AMPH: variants seen among roughly 807,000 people sequenced by gnomAD.
AMPH encodes amphiphysin (Stiff-Mann syndrome with breast cancer 128kD autoantigen).
In AMPH, 49 loss-of-function variants were observed where a neutral mutation model predicts 99.1. That is an observed-to-expected ratio of 0.49 (90% CI 0.39 to 0.63). AMPH has a LOEUF of 0.63. Among genes scored for constraint, AMPH ranks in the 20% least tolerant of loss-of-function variants. AMPH has a pLI of 0.00. For synonymous variants in AMPH, 314 were observed against 317.3 expected, an observed-to-expected ratio of 0.99 and a Z score of 0.11; for missense variants, 759 against 863.4, an observed-to-expected ratio of 0.88 and a Z score of 1.52.
intron 17 of AMPH, among the ~76,000 whole-genome samples, chr7:38,414,839 A>G (rs1785321111): frequency 6.6e-6 from 1 of 151,808 alleles, no homozygotes; most frequent in South Asian, 2.1e-4. Flanking sequence ...TAATTTTTGT[A>G]TTTTTGTAGA....
intron 1 of AMPH, among the ~76,000 whole-genome samples, chr7:38,558,764 C>G (rs545331133): frequency 4.6e-5 from 7 of 152,188 alleles, no homozygotes; most frequent in East Asian, 1.9e-4. Flanking sequence ...GAGACACATC[C>G]TGCTGACACA....
chr7:38,503,503 TG>T lies in AMPH; in HGVS notation c.205+146del, dbSNP rs67603609. The T allele has an allele frequency of 5.4e-4, 263 of 485,306 alleles. 5 individuals carry two copies. In the East Asian group the frequency reaches 8.7e-3, roughly 16 times the overall value. 30.1% of individuals were successfully genotyped at this position (485,306 alleles called of 1,614,324 possible). On this transcript the variant is annotated intron_variant, in intron 3 of 20. Transcript: ENST00000356264. Reference sequence around the variant, plus strand: ...TCAATGGGAATTTGGGGCGGGGGGGTGGGTGGTGGAATGGAACACCTGTGTT... The same window carrying T: ...TCAATGGGAATTTGGGGCGGGGGGGTGGTGGTGGAATGGAACACCTGTGTT...
chr7:38,391,283 T>C (rs1239871566), intron 19 of AMPH, among the ~76,000 whole-genome samples: 1 of 152,178 alleles, frequency 6.6e-6, no homozygotes, highest in Non-Finnish European at 1.5e-5. Context: ...GCAAGTTCAT[T>C]CATACATGAA....
intron 1 of AMPH, among the ~76,000 whole-genome samples, chr7:38,542,028 A>G (rs1790826600): frequency 6.6e-6 from 1 of 152,150 alleles, no homozygotes; most frequent in African/African-American, 2.4e-5. Flanking sequence ...ATTTCAGGAC[A>G]TTTAGTCCTC....
chr7:38,551,742 CAG>C (rs1462167550), intron 1 of AMPH, among the ~76,000 whole-genome samples: 1 of 152,094 alleles, frequency 6.6e-6, no homozygotes, highest in Non-Finnish European at 1.5e-5. Context: ...AAAAGAGAAA[CAG>C]AAAGAATGAG....
intron 11 of AMPH, among the ~76,000 whole-genome samples, chr7:38,449,323 G>T (rs554657991): frequency 1.3e-5 from 2 of 152,310 alleles, no homozygotes; most frequent in South Asian, 4.1e-4. Context: ...ACAGCATTCT[G>T]CTTTCCACTT....
intron 11 of AMPH, among the ~76,000 whole-genome samples, chr7:38,446,023 C>T (rs534371461): frequency 6.6e-6 from 1 of 152,188 alleles, no homozygotes; most frequent in Non-Finnish European, 1.5e-5. Context: ...CTCGCTGAGG[C>T]CTCCCCAGAA....
intron 2 of AMPH, among the ~76,000 whole-genome samples, chr7:38,511,841 C>T (rs1013726506): frequency 6.6e-6 from 1 of 152,162 alleles, no homozygotes; most frequent in Non-Finnish European, 1.5e-5. Context: ...TATAACTAAT[C>T]AGGTTTGGGA....
At chr7:38,568,934 T>A (rs1791843228) in intron 1 of AMPH, among the ~76,000 whole-genome samples, 1 of 152,132 alleles carries the variant, frequency 6.6e-6, no homozygotes, top group African/African-American at 2.4e-5. Flanking sequence ...TAATGGGTGA[T>A]ACAGATGCTA....
At chr7:38,520,847 A>G (rs1034904714) in intron 2 of AMPH, among the ~76,000 whole-genome samples, 1 of 152,174 alleles carries the variant, frequency 6.6e-6, no homozygotes, top group Non-Finnish European at 1.5e-5. Flanking sequence ...CCAAAATTAC[A>G]CTATCAGACA....
intron 11 of AMPH, among the ~76,000 whole-genome samples, chr7:38,450,877 C>A (rs1037350593): frequency 6.6e-6 from 1 of 150,724 alleles, no homozygotes; most frequent in Non-Finnish European, 1.5e-5. Flanking sequence ...GAAGAAAAGC[C>A]AATCCAAAAC....
At chr7:38,482,238 A>AGAG (rs559167964) in intron 5 of AMPH, among the ~76,000 whole-genome samples, 98 of 152,254 alleles carry the variant, frequency 6.4e-4, no homozygotes, top group African/African-American at 2.3e-3. Context: ...AGACAGAGAG[A>AGAG]GAGAGATTCA....
At chr7:38,514,109 G>A (rs1169667228) in intron 2 of AMPH, among the ~76,000 whole-genome samples, 1 of 152,136 alleles carries the variant, frequency 6.6e-6, no homozygotes, top group Non-Finnish European at 1.5e-5. Context: ...CTAGCAGACA[G>A]TATAATCTAC....
chr7:38,459,374 A>G (rs1410041621), intron 11 of AMPH, among the ~76,000 whole-genome samples: 1 of 152,182 alleles, frequency 6.6e-6, no homozygotes, highest in East Asian at 1.9e-4. Flanking sequence ...CCAAAAAAAG[A>G]GCCAAAATAG....
intron 17 of AMPH, among the ~76,000 whole-genome samples, chr7:38,408,999 G>C (rs1785139037): frequency 6.6e-6 from 1 of 152,134 alleles, no homozygotes; most frequent in Non-Finnish European, 1.5e-5. Flanking sequence ...CTGATCCCAT[G>C]GCTGGAAGGA....
intron 7 of AMPH, among the ~76,000 whole-genome samples, chr7:38,468,301 T>G (rs1033075702): frequency 1.3e-5 from 2 of 152,234 alleles, no homozygotes; most frequent in African/African-American, 4.8e-5. Context: ...TATTCCTTCT[T>G]TTGTGAATCA....
intron 1 of AMPH, among the ~76,000 whole-genome samples, chr7:38,612,084 C>CTTTTTTTTTTTTTTTTTTTTT (rs777855014): frequency 1.1e-5 from 1 of 90,892 alleles, no homozygotes; most frequent in Non-Finnish European, 2.1e-5. Context: ...TTTTTGTCTT[C>CTTTTTTTTTTTTTTTTTTTTT]TTCTTTTTTT....
At chr7:38,458,613 T>A (rs1180134365) in intron 11 of AMPH, among the ~76,000 whole-genome samples, 1 of 152,150 alleles carries the variant, frequency 6.6e-6, no homozygotes, top group Non-Finnish European at 1.5e-5. Flanking sequence ...CAAATCTACA[T>A]GATTATCTCA....
intron 1 of AMPH, among the ~76,000 whole-genome samples, chr7:38,610,035 G>C (rs913039990): frequency 1.3e-5 from 2 of 151,092 alleles, no homozygotes; most frequent in South Asian, 2.1e-4. Flanking sequence ...TCGGGAGTTC[G>C]AGACCAGCCT....
Sources: allele counts gnomAD v4.1 joint callset (sites outside exome capture counted in the v4.1 genomes callset), GRCh38; gene constraint gnomAD v4.1.1; transcripts MANE v1.5; gene names NCBI Gene and HGNC (gene_info 2026-07-23, HGNC 2026-07-21).